Variants in GMDS observed in about 807,000 individuals in gnomAD.
GMDS encodes GDP-mannose 4,6-dehydratase.
Under a neutral mutation model 49.9 loss-of-function variants are expected in GMDS, and 20 were observed. That is an observed-to-expected ratio of 0.40 (90% CI 0.28 to 0.58). GMDS has a LOEUF of 0.58. Ranked by LOEUF, GMDS falls within the 20% of genes least tolerant of loss-of-function variation. GMDS has a pLI of 0.42. For synonymous variants in GMDS, 177 were observed against 178.6 expected (o/e 0.99, Z 0.07); for missense variants, 362 against 481.4 (o/e 0.75, Z 2.32).
chr6:2,061,005 C>A (rs1372304968), intron 4 of GMDS, among the ~76,000 whole-genome samples: 1 of 150,446 alleles, frequency 6.6e-6, no homozygotes, highest in Non-Finnish European at 1.5e-5. Flanking sequence ...CAGAGCAAGA[C>A]TCCATCTAAA....
In GMDS at chr6:1,827,051, G is replaced by A. The variant is rs552382793; in HGVS notation, c.772-84465C>T. On this transcript the variant is annotated intron_variant, in intron 7 of 10. Coordinates refer to ENST00000380815, the MANE Select transcript of GMDS (RefSeq NM_001500.4). ...CCCGCATTCCAGCCTAAGCAGAAGA[G>A]CTACGCTGTCTCTTAAAAAAATATA... Among the ~76,000 whole-genome samples, 5 of 151,052 alleles carry A rather than the reference G, an allele frequency of 3.3e-5. No individual in the cohort carries two copies. In the East Asian group the frequency reaches 5.9e-4, roughly 18 times the overall value.
chr6:2,074,036 G>A (rs974103308), intron 4 of GMDS, among the ~76,000 whole-genome samples: 1 of 152,152 alleles, frequency 6.6e-6, no homozygotes, highest in African/African-American at 2.4e-5. Flanking sequence ...ATGCCCAATA[G>A]TAGAATTGAT....
chr6:1,912,352 T>C (rs997732841), intron 7 of GMDS, among the ~76,000 whole-genome samples: 1 of 151,638 alleles, frequency 6.6e-6, no homozygotes, highest in Admixed American at 6.6e-5. Context: ...GGCAACAGAG[T>C]GAGACTTTGT....
intron 9 of GMDS, among the ~76,000 whole-genome samples, chr6:1,711,091 G>A (rs767018326): frequency 1.3e-5 from 2 of 152,202 alleles, no homozygotes; most frequent in Admixed American, 1.3e-4. Flanking sequence ...CTACATACAT[G>A]ATGTATTCTG....
chr6:1,659,510 C>A (rs1763996783), intron 9 of GMDS, among the ~76,000 whole-genome samples: 1 of 152,044 alleles, frequency 6.6e-6, no homozygotes, highest in Non-Finnish European at 1.5e-5. Flanking sequence ...TACCAATAAG[C>A]AATATCCATA....
intron 7 of GMDS, among the ~76,000 whole-genome samples, chr6:1,774,922 G>T (rs1427313292): frequency 6.6e-6 from 1 of 152,226 alleles, no homozygotes; most frequent in Non-Finnish European, 1.5e-5. Flanking sequence ...GACTAGCGAG[G>T]AATGTCCATT....
intron 9 of GMDS, among the ~76,000 whole-genome samples, chr6:1,678,328 C>A (rs985115266): frequency 6.6e-6 from 1 of 152,158 alleles, no homozygotes; most frequent in South Asian, 2.1e-4. Flanking sequence ...AGTCAATCAC[C>A]CTCCCAATGT....
chr6:1,638,312 G>T (rs1045888737), intron 9 of GMDS, among the ~76,000 whole-genome samples: 10 of 152,292 alleles, frequency 6.6e-5, no homozygotes, highest in African/African-American at 2.4e-4. Flanking sequence ...CTTTTCTCCA[G>T]CTGGAGATGA....
At chr6:2,207,012 A>G (rs932346442) in intron 1 of GMDS, among the ~76,000 whole-genome samples, 6 of 152,246 alleles carry the variant, frequency 3.9e-5, no homozygotes, top group African/African-American at 7.2e-5. Context: ...CAGAGAAAAC[A>G]TAAGTTTTAC....
intron 7 of GMDS, among the ~76,000 whole-genome samples, chr6:1,891,660 T>C (rs1322091819): frequency 1.3e-5 from 2 of 152,340 alleles, no homozygotes; most frequent in Middle Eastern, 3.4e-3. Flanking sequence ...ATTCTTAAAA[T>C]GTGGGAGCAA....
chr6:2,064,716 G>T (rs1050490037), intron 4 of GMDS, among the ~76,000 whole-genome samples: 4 of 152,180 alleles, frequency 2.6e-5, no homozygotes, highest in Admixed American at 6.5e-5. Context: ...AGCCTGGTCA[G>T]TTAATGAAGC....
intron 4 of GMDS, among the ~76,000 whole-genome samples, chr6:2,023,137 C>T (rs1768376457): frequency 6.6e-6 from 1 of 152,138 alleles, no homozygotes; most frequent in Non-Finnish European, 1.5e-5. Flanking sequence ...GCTTGAATTT[C>T]ATTTTACACT....
intron 1 of GMDS, among the ~76,000 whole-genome samples, chr6:2,143,130 G>C (rs1776387244): frequency 6.6e-6 from 1 of 152,164 alleles, no homozygotes; most frequent in Non-Finnish European, 1.5e-5. Context: ...ATACATATTT[G>C]CTCCATAAAT....
Position 1,770,490 on chromosome 6 carries a change from G to A in GMDS, c.772-27904C>T, listed in dbSNP as rs186257905. Among the ~76,000 whole-genome samples the A allele has an allele frequency of 8.7e-4, 132 of 152,350 alleles. 1 individual carries two copies. Among genetic ancestry groups the A allele is most frequent in the Admixed American group, 2.0e-3 (31 of 15,308 alleles). On this transcript the variant is annotated intron_variant, in intron 7 of 10. Transcript: ENST00000380815. Reference sequence around the variant, plus strand: ...GTGAAGCCACAGACACCATCAACGCGGCTGCTGCAGAGCGCCTCTGGGATG... The same window carrying A: ...GTGAAGCCACAGACACCATCAACGCAGCTGCTGCAGAGCGCCTCTGGGATG...
At chr6:1,698,345 T>C (rs1395432063) in intron 9 of GMDS, among the ~76,000 whole-genome samples, 1 of 152,232 alleles carries the variant, frequency 6.6e-6, no homozygotes. Context: ...AACCAAGATC[T>C]TTTAAACGCA....
At chr6:2,054,914 T>A (rs1303194610) in intron 4 of GMDS, among the ~76,000 whole-genome samples, 2 of 152,010 alleles carry the variant, frequency 1.3e-5, no homozygotes, top group African/African-American at 4.8e-5. Context: ...CAGAGAAGGA[T>A]CTTCAACCAG....
At chr6:1,691,425 T>C (rs560426164) in intron 9 of GMDS, among the ~76,000 whole-genome samples, 1 of 152,118 alleles carries the variant, frequency 6.6e-6, no homozygotes, top group Non-Finnish European at 1.5e-5. Context: ...ACTTAGGTGA[T>C]GGGTTGACAG....
At chr6:1,874,697 T>C (rs1052487528) in intron 7 of GMDS, among the ~76,000 whole-genome samples, 13 of 152,140 alleles carry the variant, frequency 8.5e-5, no homozygotes, top group Non-Finnish European at 1.3e-4. Context: ...AATACGTATA[T>C]ATAATATACA....
chr6:2,141,961 T>G (rs979989745), intron 1 of GMDS, among the ~76,000 whole-genome samples: 10 of 151,850 alleles, frequency 6.6e-5, no homozygotes, highest in African/African-American at 1.9e-4. Context: ...CCCGCTCCTA[T>G]AGCATACATT....
Sources: allele counts gnomAD v4.1 joint callset (sites outside exome capture counted in the v4.1 genomes callset), GRCh38; gene constraint gnomAD v4.1.1; transcripts MANE v1.5; gene names NCBI Gene and HGNC (gene_info 2026-07-23, HGNC 2026-07-21).